Variants in RALGAPA2 observed in about 807,000 individuals in gnomAD.
RALGAPA2 encodes the protein Ral GTPase activating protein catalytic subunit alpha 2.
In RALGAPA2, 139 loss-of-function variants were observed where a neutral mutation model predicts 230.4. That is an observed-to-expected ratio of 0.60 (90% CI 0.53 to 0.69). The LOEUF is 0.69. Among genes scored for constraint, RALGAPA2 ranks in the 30% least tolerant of loss-of-function variants. The pLI, the probability that RALGAPA2 is intolerant of heterozygous loss-of-function variation, is 0.00. For synonymous variants in RALGAPA2, 847 were observed against 837.8 expected (o/e 1.01, Z -0.19); for missense variants, 2,163 against 2,276.0 (o/e 0.95, Z 1.01).
At chr20:20,533,264 T>C (rs959022718) in intron 26 of RALGAPA2, among the ~76,000 whole-genome samples, 1 of 151,834 alleles carries the variant, frequency 6.6e-6, no homozygotes, top group African/African-American at 2.4e-5. Flanking sequence ...TGGGATAAAA[T>C]TACAAAATCT....
At chr20:20,473,174 T>C (rs1423281585) in intron 36 of RALGAPA2, among the ~76,000 whole-genome samples, 1 of 152,166 alleles carries the variant, frequency 6.6e-6, no homozygotes, top group Non-Finnish European at 1.5e-5. Context: ...CAGCAAAACT[T>C]TCAATGACAA....
intron 24 of RALGAPA2, 79 bp from the exon 25 acceptor site, chr20:20,536,863 T>C (rs1569469392): frequency 7.7e-6 from 11 of 1,422,666 alleles, no homozygotes; most frequent in Non-Finnish European, 1.0e-5. Flanking sequence ...GTTTTACTCT[T>C]CATCCTAGAT....
At chr20:20,447,791 G>A (rs138329970) in intron 37 of RALGAPA2, among the ~76,000 whole-genome samples, 64 of 152,212 alleles carry the variant, frequency 4.2e-4, no homozygotes, top group Middle Eastern at 3.4e-3. Flanking sequence ...GATGAGGTAG[G>A]ACAGTCTCTT....
intron 12 of RALGAPA2, among the ~76,000 whole-genome samples, chr20:20,618,580 T>G (rs2146333382): frequency 6.6e-6 from 1 of 152,254 alleles, no homozygotes; most frequent in East Asian, 1.9e-4. Context: ...ACTCCACACC[T>G]GGCCTCTACA....
rs554839873 is a variant in RALGAPA2 at position 20,403,409 on chromosome 20, C to CT, written c.5618-6676dup. ...GGTGCATCCCTCTGTGTCCCCGGGT[C>CT]TTAAGTGGACCTGAGTTTTAATATC... On this transcript the variant is annotated intron_variant, in intron 38 of 39. Transcript: ENST00000202677. 3.3e-5 allele frequency among the ~76,000 whole-genome samples: 5 copies of CT among 152,286 alleles called. No homozygotes were observed. In the South Asian group the frequency reaches 1.0e-3, roughly 32 times the overall value.
At chr20:20,567,829 G>A (rs531008262) in intron 23 of RALGAPA2, among the ~76,000 whole-genome samples, 7 of 146,160 alleles carry the variant, frequency 4.8e-5, no homozygotes, top group South Asian at 4.3e-4. Flanking sequence ...GCAATGGAGC[G>A]ATACCCCATC....
chr20:20,523,154 T>G (rs1448138797), intron 30 of RALGAPA2, among the ~76,000 whole-genome samples: 2 of 152,142 alleles, frequency 1.3e-5, no homozygotes, highest in Non-Finnish European at 2.9e-5. Context: ...GAATTTTCCC[T>G]CCATAGCAGT....
chr20:20,690,824 T>C (rs1388399881), intron 1 of RALGAPA2, among the ~76,000 whole-genome samples: 2 of 152,146 alleles, frequency 1.3e-5, no homozygotes, highest in Admixed American at 6.6e-5. Flanking sequence ...AGAGTGCTCC[T>C]CTGCTGCTCA....
At position 20,589,389 on chromosome 20, in the gene RALGAPA2, TA is replaced by T. The variant is rs749141749; in HGVS notation, c.2342-25del. Reference sequence around the variant, plus strand: ...ACCTAGAAATGGTGGGGCAGGGGGGTAGCGGAAATAGAAGGAATGTTTCAGA... The same window carrying T: ...ACCTAGAAATGGTGGGGCAGGGGGGTGCGGAAATAGAAGGAATGTTTCAGA... On this transcript the variant is annotated intron_variant, in intron 17 of 39. Transcript: ENST00000202677. 3.2e-6 allele frequency: 5 copies of T among 1,554,040 alleles called. No homozygotes were observed. In the African/African-American group the frequency reaches 6.8e-5, roughly 21 times the overall value.
Position 20,496,236 on chromosome 20 carries a change from G to T in RALGAPA2, c.5209-961C>A, listed in dbSNP as rs544965528. Reference sequence around the variant, plus strand: ...GTCTTTGAGGAGGCCTTACTAGAAAGATCTCCAAAACAAGACCCCTTGAGA... The same window carrying T: ...GTCTTTGAGGAGGCCTTACTAGAAATATCTCCAAAACAAGACCCCTTGAGA... On this transcript the variant is annotated intron_variant, in intron 35 of 39. Coordinates refer to ENST00000202677, the MANE Select transcript of RALGAPA2 (RefSeq NM_020343.4). 2.6e-5 allele frequency among the ~76,000 whole-genome samples: 4 copies of T among 152,102 alleles called. No homozygotes were observed. In the South Asian group the frequency reaches 8.3e-4, roughly 32 times the overall value.
chr20:20,597,542 G>A (rs775521513), intron 16 of RALGAPA2, among the ~76,000 whole-genome samples: 37 of 152,072 alleles, frequency 2.4e-4, no homozygotes, highest in Admixed American at 6.5e-4. Flanking sequence ...ACATAGTTTA[G>A]TACTACAGAA....
chr20:20,700,483 C>T (rs998861393), intron 1 of RALGAPA2, among the ~76,000 whole-genome samples: 1 of 152,162 alleles, frequency 6.6e-6, no homozygotes, highest in African/African-American at 2.4e-5. Context: ...ACAATTTCCT[C>T]ACTAGCTGTA....
rs777091795 is a variant in RALGAPA2 at position 20,653,586 on chromosome 20, T to G, written c.272A>C (p.Lys91Thr). 2 of 1,466,770 alleles carry G rather than the reference T, an allele frequency of 1.4e-6. No individual in the cohort carries two copies. The highest frequency in any genetic ancestry group is 2.5e-5 in the South Asian group (2 of 80,326). 90.9% of individuals were successfully genotyped at this position (1,466,770 alleles called of 1,614,324 possible). A position where few individuals can be genotyped will look rare whatever the true frequency, so the allele number is the denominator to read the frequency against. ...TCGTTCAGGTAGAAACTGCAGTATTTTCTATTAAAAAAAGATATAAAGAAA... is the reference window on the plus strand; with the variant it reads ...TCGTTCAGGTAGAAACTGCAGTATTGTCTATTAAAAAAAGATATAAAGAAA... ...ELDSILFLFEKILQFLPERIF... is the reference protein window; with the variant it reads ...ELDSILFLFETILQFLPERIF... The change falls in exon 4 of 40, where the codon AAA (lysine) becomes ACA (threonine). Residue 91 changes from lysine to threonine, a missense_variant and splice_region_variant. By Grantham distance (78) the Lys-to-Thr change is moderately conservative. Coordinates refer to ENST00000202677, the MANE Select transcript of RALGAPA2 (RefSeq NM_020343.4).
intron 13 of RALGAPA2, among the ~76,000 whole-genome samples, chr20:20,614,755 G>T (rs186569493): frequency 6.6e-6 from 1 of 152,234 alleles, no homozygotes; most frequent in East Asian, 1.9e-4. Context: ...GTTCCTTTCC[G>T]ATCAGACCTG....
At chr20:20,411,404 A>G (rs1381365731) in intron 38 of RALGAPA2, among the ~76,000 whole-genome samples, 1 of 152,230 alleles carries the variant, frequency 6.6e-6, no homozygotes, top group Non-Finnish European at 1.5e-5. Context: ...AAACAAGGAA[A>G]TCTATGGAAA....
At chr20:20,630,483 G>C (rs753649596) in intron 9 of RALGAPA2, among the ~76,000 whole-genome samples, 1 of 152,154 alleles carries the variant, frequency 6.6e-6, no homozygotes, top group Non-Finnish European at 1.5e-5. Context: ...AATCTCTAGA[G>C]AAAATTAATG....
At chr20:20,479,498 A>C (rs1390349124) in intron 36 of RALGAPA2, among the ~76,000 whole-genome samples, 1 of 152,240 alleles carries the variant, frequency 6.6e-6, no homozygotes, top group Admixed American at 6.5e-5. Flanking sequence ...GTCTGTATAC[A>C]ACCACATTAA....
chr20:20,552,757 C>T (rs536105780), intron 23 of RALGAPA2, among the ~76,000 whole-genome samples: 4 of 152,142 alleles, frequency 2.6e-5, no homozygotes, highest in South Asian at 4.2e-4. Context: ...TGCTGAGTGA[C>T]GAGAAATTTT....
At chr20:20,525,445 T>C (rs1259537069) in intron 28 of RALGAPA2, among the ~76,000 whole-genome samples, 2 of 152,238 alleles carry the variant, frequency 1.3e-5, no homozygotes, top group Non-Finnish European at 2.9e-5. Flanking sequence ...AAATCACTTG[T>C]GCCTTTTAAC....
Sources: allele counts gnomAD v4.1 joint callset (sites outside exome capture counted in the v4.1 genomes callset), GRCh38; gene constraint gnomAD v4.1.1; transcripts MANE v1.5; gene names NCBI Gene and HGNC (gene_info 2026-07-23, HGNC 2026-07-21).